CTSS: variants seen among roughly 807,000 people sequenced by gnomAD.
CTSS encodes cathepsin S.
CTSS carries 15 observed loss-of-function variants against 39.9 expected under a neutral mutation model. The observed-to-expected ratio is 0.38, with a 90% CI of 0.25 to 0.58. The LOEUF is 0.58. Among genes scored for constraint, CTSS ranks in the 20% least tolerant of loss-of-function variants. The pLI, the probability that CTSS is intolerant of heterozygous loss-of-function variation, is 0.70. For missense variants in CTSS, 250 were observed against 398.2 expected (o/e 0.63, Z 3.17); for synonymous variants, 126 against 138.2 (o/e 0.91, Z 0.62).
intron 5 of CTSS, among the ~76,000 whole-genome samples, chr1:150,751,128 T>G (rs1447874514): frequency 6.6e-6 from 1 of 152,180 alleles, no homozygotes; most frequent in Non-Finnish European, 1.5e-5. Context: ...AGGAGAGTGT[T>G]ATTTAGCTTC....
At chr1:150,734,788 A>C (rs1013631958) in intron 7 of CTSS, among the ~76,000 whole-genome samples, 1 of 152,218 alleles carries the variant, frequency 6.6e-6, no homozygotes, top group Non-Finnish European at 1.5e-5. Context: ...ATTTATATTA[A>C]TGAAAAAGTC....
intron 3 of CTSS, among the ~76,000 whole-genome samples, chr1:150,757,403 G>C (rs969715426): frequency 3.3e-5 from 5 of 152,130 alleles, no homozygotes; most frequent in African/African-American, 1.2e-4. Context: ...TCTTCACTTT[G>C]GCAACAGTGG....
At chr1:150,738,537 G>A (rs902663786) in intron 7 of CTSS, among the ~76,000 whole-genome samples, 6 of 144,844 alleles carry the variant, frequency 4.1e-5, no homozygotes, top group African/African-American at 1.5e-4. Context: ...CATCCAGGTT[G>A]TTGTGCAGTG....
rs147838957 is a variant in CTSS, at chr1:150,742,976, G to A, written c.896+4801C>T. Among the ~76,000 whole-genome samples the A allele has an allele frequency of 1.1e-4, 17 of 152,172 alleles. 1 individual carries two copies. The East Asian group carries it at 3.3e-3, about 29-fold the overall frequency. On this transcript the variant is annotated intron_variant, in intron 7 of 7. Transcript: ENST00000368985. The stretch of plus-strand genomic sequence containing the variant: ...GAGTTTGGATTTTTCAAGGAGAGCT[G>A]CCAAATTGGAAGTTGGACAAGGAAG...
intron 7 of CTSS, among the ~76,000 whole-genome samples, chr1:150,733,480 G>T (rs1652567906): frequency 6.6e-6 from 1 of 152,066 alleles, no homozygotes; most frequent in Non-Finnish European, 1.5e-5. Context: ...TAAATTTTTT[G>T]ATAACAGTAT....
At chr1:150,743,496 G>GATATATATATAT (rs10609824) in intron 7 of CTSS, among the ~76,000 whole-genome samples, 2 of 124,916 alleles carry the variant, frequency 1.6e-5, no homozygotes, top group African/African-American at 6.0e-5. Context: ...GAGGCTGGGA[G>GATATATATATAT]ATATATATAT....
At chr1:150,738,162 C>A (rs773028056) in intron 7 of CTSS, among the ~76,000 whole-genome samples, 1 of 152,056 alleles carries the variant, frequency 6.6e-6, no homozygotes, top group Non-Finnish European at 1.5e-5. Flanking sequence ...TGATTCCAAG[C>A]AAACAAGAGG....
intron 4 of CTSS, among the ~76,000 whole-genome samples, chr1:150,754,209 G>A (rs1025152138): frequency 2.0e-5 from 3 of 149,192 alleles, no homozygotes; most frequent in African/African-American, 7.4e-5. Context: ...TGCCTCCCAG[G>A]TTCAAGTGAT....
intron 7 of CTSS, among the ~76,000 whole-genome samples, chr1:150,739,300 G>T (rs1417888356): frequency 6.6e-6 from 1 of 152,232 alleles, no homozygotes; most frequent in Non-Finnish European, 1.5e-5. Flanking sequence ...ATTATGCTTT[G>T]TGAAAGCCAA....
At chr1:150,740,476 C>T (rs774902418) in intron 7 of CTSS, among the ~76,000 whole-genome samples, 94 of 152,076 alleles carry the variant, frequency 6.2e-4, no homozygotes, top group South Asian at 2.9e-3. Context: ...CTGCAAGCTC[C>T]GCCTCCCAGG....
At chr1:150,750,253 G>T in intron 5 of CTSS, 82 bp from the exon 6 acceptor site, 1 of 1,114,790 alleles carries the variant, frequency 9.0e-7, no homozygotes, top group Non-Finnish European at 1.3e-6. Flanking sequence ...GATTTTAAAT[G>T]TCTCCCTTCC....
intron 2 of CTSS, among the ~76,000 whole-genome samples, chr1:150,760,042 A>G (rs587675716): frequency 6.6e-6 from 1 of 152,064 alleles, no homozygotes; most frequent in South Asian, 2.1e-4. Context: ...AAAAAAAAAA[A>G]GAAGTGCACT....
rs1652543882 is a variant in CTSS at position 150,732,457 on chromosome 1, A to G, written c.*589T>C. On this transcript the variant is annotated 3_prime_UTR_variant, in exon 8 of 8. Coordinates refer to ENST00000368985, the MANE Select transcript of CTSS (RefSeq NM_004079.5). ...AAAGGCTATTAGGGGTCTTAAAAAG[A>G]CAAAGAGTATACAATAAAACAATAA... The G allele has an allele frequency of 6.6e-6, 1 of 152,218 alleles. No homozygotes were observed. The highest frequency in any genetic ancestry group is 1.5e-5 in the Non-Finnish European group (1 of 68,038). The allele number at this position is 152,218 out of a possible 1,614,324, so 9.4% of individuals were successfully genotyped here.
intron 7 of CTSS, among the ~76,000 whole-genome samples, chr1:150,743,166 T>C (rs1652803216): frequency 6.6e-6 from 1 of 152,212 alleles, no homozygotes; most frequent in African/African-American, 2.4e-5. Flanking sequence ...ACGTAAGATA[T>C]GAGGCTAAAG....
chr1:150,747,755 A>G, intron 7 of CTSS, 22 bp downstream of exon 7: 1 of 1,487,538 alleles, frequency 6.7e-7, no homozygotes, highest in Non-Finnish European at 9.4e-7. Flanking sequence ...TTCCAATTAA[A>G]TATAAAGTGT....
chr1:150,756,264 TC>T (rs1200046932), intron 3 of CTSS, among the ~76,000 whole-genome samples: 4 of 152,200 alleles, frequency 2.6e-5, no homozygotes, highest in African/African-American at 7.2e-5. Context: ...AGCTGTCATC[TC>T]CTCTGATAAC....
intron 4 of CTSS, 89 bp from the exon 5 acceptor site, chr1:150,752,097 T>G: frequency 1.5e-6 from 2 of 1,319,104 alleles, no homozygotes; most frequent in Non-Finnish European, 2.1e-6. Flanking sequence ...CTCAGCTACA[T>G]CAGTTCTGTC....
rs1472898600 is a variant in CTSS, at chr1:150,750,258, C to T, written c.628-87G>A. 5 of 1,074,752 alleles carry T rather than the reference C, an allele frequency of 4.7e-6. No individual in the cohort carries two copies. In the African/African-American group the frequency reaches 7.9e-5, roughly 17 times the overall value. The allele number at this position is 1,074,752 out of a possible 1,614,324, so 66.6% of individuals were successfully genotyped here. ...CCTAAGCCTGGATTTTAAATGTCTC[C>T]CTTCCTTTCTTTAACTTTTTCATGT... On this transcript the variant is annotated intron_variant, in intron 5 of 7. Transcript: ENST00000368985.
intron 3 of CTSS, 27 bp downstream of exon 3, chr1:150,757,831 A>G: frequency 6.2e-7 from 1 of 1,603,488 alleles, no homozygotes; most frequent in Non-Finnish European, 8.5e-7. Flanking sequence ...CCAGACGTGA[A>G]AGTGGGATTT....
Sources: gnomAD v4.1 joint callset for allele counts (sites outside exome capture counted in the v4.1 genomes callset) on GRCh38, gnomAD v4.1.1 for gene constraint, MANE v1.5 for transcripts, NCBI Gene and HGNC (gene_info 2026-07-23, HGNC 2026-07-21) for gene names.